The following GCNT1 variants were observed in gnomAD, a reference collection of about 807,000 sequenced individuals.
GCNT1 encodes glucosaminyl (N-acetyl) transferase 1.
GCNT1 carries 16 observed loss-of-function variants against 26.2 expected under a neutral mutation model. The observed-to-expected ratio is 0.61, with a 90% CI of 0.41 to 0.93. The LOEUF is 0.93. GCNT1 is among the 40% of genes least tolerant of loss of function. GCNT1 has a pLI of 0.00. For missense variants in GCNT1, 477 were observed against 526.7 expected, an observed-to-expected ratio of 0.91 and a Z score of 0.92; for synonymous variants, 183 against 190.8, an observed-to-expected ratio of 0.96 and a Z score of 0.34.
chr9:76,400,868 A>T, the GCNT1 span, among the ~76,000 whole-genome samples: 934 of 152,344 alleles, frequency 6.1e-3, 9 homozygotes, highest in African/African-American at 0.021. Flanking sequence ...CAAGAAAGGG[A>T]TGTGCAGTAA....
At chr9:76,401,938 A>G in the GCNT1 span, among the ~76,000 whole-genome samples, 1 of 152,234 alleles carries the variant, frequency 6.6e-6, no homozygotes, top group Non-Finnish European at 1.5e-5. Context: ...AAGAAAGGAC[A>G]AGACAGAGGA....
chr9:76,428,699 ATTTTTTTT>A (rs5898475), intron 1 of GCNT1, among the ~76,000 whole-genome samples: 1 of 130,124 alleles, frequency 7.7e-6, no homozygotes. Flanking sequence ...TGCGTATTCT[ATTTTTTTT>A]TTTTTTTTTT....
At chr9:76,488,446 G>A (rs60588950) in intron 2 of GCNT1, among the ~76,000 whole-genome samples, 1,956 of 151,924 alleles carry the variant, frequency 0.013, 26 homozygotes, top group Non-Finnish European at 0.02. Flanking sequence ...TGCTTAACTC[G>A]CTGTGAGTGT....
At chr9:76,465,912 A>C (rs1409425078) in intron 2 of GCNT1, among the ~76,000 whole-genome samples, 6 of 152,206 alleles carry the variant, frequency 3.9e-5, no homozygotes, top group Non-Finnish European at 8.8e-5. Context: ...TTGAGAACAC[A>C]GGAGGAGGAG....
chr9:76,487,453 A>G (rs568839900), intron 2 of GCNT1, among the ~76,000 whole-genome samples: 2 of 152,348 alleles, frequency 1.3e-5, no homozygotes, highest in South Asian at 2.1e-4. Flanking sequence ...CTGCTGCCGA[A>G]GGGCAATAGG....
chr9:76,428,292 T>TAAAAAAAAAAATAA (rs1279001629), intron 1 of GCNT1, among the ~76,000 whole-genome samples: 1 of 85,890 alleles, frequency 1.2e-5, no homozygotes, highest in Non-Finnish European at 2.6e-5. Context: ...AAAAAAAACT[T>TAAAAAAAAAAATAA]AAAAAAAAAA....
chr9:76,417,738 G>A (rs534110461), upstream of GCNT1, among the ~76,000 whole-genome samples: 1 of 152,114 alleles, frequency 6.6e-6, no homozygotes, highest in Non-Finnish European at 1.5e-5. Flanking sequence ...GGCATTTTCA[G>A]TTTAAAATAA....
chr9:76,493,882 A>C (rs117177365), intron 2 of GCNT1, among the ~76,000 whole-genome samples: 12,531 of 152,184 alleles, frequency 0.082, 572 homozygotes, highest in Middle Eastern at 0.17. Flanking sequence ...CCTCAGGTGG[A>C]CATTTTTCCC....
At chr9:76,442,876 T>C (rs1417210476) in intron 1 of GCNT1, among the ~76,000 whole-genome samples, 1 of 151,828 alleles carries the variant, frequency 6.6e-6, no homozygotes, top group Non-Finnish European at 1.5e-5. Context: ...TTTATAGATG[T>C]TGGGAATATA....
the GCNT1 span, among the ~76,000 whole-genome samples, chr9:76,405,024 G>A: frequency 1.3e-5 from 2 of 151,676 alleles, no homozygotes. Context: ...TTGCCATGTT[G>A]ACCAGGCTGG....
At chr9:76,479,530 C>G (rs1166926246) in intron 2 of GCNT1, among the ~76,000 whole-genome samples, 2 of 152,158 alleles carry the variant, frequency 1.3e-5, no homozygotes, top group Non-Finnish European at 2.9e-5. Context: ...CTGTTGTTAC[C>G]TGACTTTTTA....
intron 1 of GCNT1, among the ~76,000 whole-genome samples, chr9:76,442,708 T>G (rs1183301977): frequency 6.6e-6 from 1 of 151,976 alleles, no homozygotes; most frequent in Non-Finnish European, 1.5e-5. Flanking sequence ...ACTAACACAG[T>G]GGTTTTATCT....
chr9:76,418,439 C>T (rs1414522798), upstream of GCNT1, among the ~76,000 whole-genome samples: 1 of 152,138 alleles, frequency 6.6e-6, no homozygotes, highest in Non-Finnish European at 1.5e-5. Flanking sequence ...CCCATCATGG[C>T]TTGCACCAGG....
intron 1 of GCNT1, among the ~76,000 whole-genome samples, chr9:76,432,639 C>G (rs917452399): frequency 2.6e-5 from 4 of 152,160 alleles, no homozygotes; most frequent in Non-Finnish European, 5.9e-5. Context: ...TGTGCCCATC[C>G]TTAGTTTAAT....
At chr9:76,489,578 T>C (rs181058416) in intron 2 of GCNT1, among the ~76,000 whole-genome samples, 146 of 152,332 alleles carry the variant, frequency 9.6e-4, no homozygotes, top group Non-Finnish European at 5.1e-4. Flanking sequence ...TGGTCCATTT[T>C]ACACAGTGCT....
the GCNT1 span, among the ~76,000 whole-genome samples, chr9:76,396,671 G>C: frequency 6.6e-6 from 1 of 151,950 alleles, no homozygotes; most frequent in African/African-American, 2.4e-5. Flanking sequence ...GTGAAACCCC[G>C]TCTCTACAAA....
At chr9:76,499,276 C>T (rs190194339) in intron 2 of GCNT1, among the ~76,000 whole-genome samples, 173 of 152,060 alleles carry the variant, frequency 1.1e-3, no homozygotes, top group Non-Finnish European at 2.0e-3. Flanking sequence ...TACAGGCATG[C>T]ACCACTACGC....
upstream of GCNT1, among the ~76,000 whole-genome samples, chr9:76,440,112 A>G (rs1002559957): frequency 6.6e-6 from 1 of 151,924 alleles, no homozygotes; most frequent in South Asian, 2.1e-4. Flanking sequence ...AATAAAAAAA[A>G]AAAAAAAGAA....
At chr9:76,397,874 T>C in the GCNT1 span, among the ~76,000 whole-genome samples, 1 of 152,216 alleles carries the variant, frequency 6.6e-6, no homozygotes, top group African/African-American at 2.4e-5. Context: ...GGCCAAAGCA[T>C]ATGCTTCAAA....
Sources: allele counts gnomAD v4.1 joint callset (sites outside exome capture counted in the v4.1 genomes callset), GRCh38; gene constraint gnomAD v4.1.1; transcripts MANE v1.5; gene names NCBI Gene and HGNC (gene_info 2026-07-23, HGNC 2026-07-21).